Variants in RBFOX1 observed in about 807,000 individuals in gnomAD.
RBFOX1 encodes the protein RNA binding protein fox-1 homolog 1.
Under a neutral mutation model 57.7 loss-of-function variants are expected in RBFOX1, and 8 were observed. The ratio of observed to expected loss-of-function variants is 0.14; its 90% CI spans 0.08 to 0.25. The LOEUF (loss-of-function observed/expected upper bound fraction) is 0.25, where lower values mean the gene tolerates loss of function less well. Among genes scored for constraint, RBFOX1 ranks in the 10% least tolerant of loss-of-function variants. The pLI, the probability that RBFOX1 is intolerant of heterozygous loss-of-function variation, is 1.00. For missense variants in RBFOX1, 611 were observed against 548.5 expected (o/e 1.11, Z -1.14); for synonymous variants, 326 against 222.4 (o/e 1.47, Z -4.15).
intron 3 of RBFOX1, among the ~76,000 whole-genome samples, chr16:6,886,776 A>G (rs375937088): frequency 8.4e-4 from 123 of 146,432 alleles, no homozygotes; most frequent in African/African-American, 2.7e-3. Flanking sequence ...AACAAAACAA[A>G]ACAAAACAAA....
intron 2 of RBFOX1, among the ~76,000 whole-genome samples, chr16:6,577,961 A>G (rs2153967680): frequency 6.6e-6 from 1 of 152,362 alleles, no homozygotes; most frequent in African/African-American, 2.4e-5. Flanking sequence ...TCACTAGGAC[A>G]AGGTTACCCA....
intron 4 of RBFOX1, among the ~76,000 whole-genome samples, chr16:7,085,703 G>C (rs954668585): frequency 1.3e-5 from 2 of 152,302 alleles, no homozygotes; most frequent in Non-Finnish European, 2.9e-5. Flanking sequence ...ATCATGTCCG[G>C]AGGTGATCTC....
intron 3 of RBFOX1, among the ~76,000 whole-genome samples, chr16:5,819,789 T>G (rs907945336): frequency 6.6e-6 from 1 of 152,206 alleles, no homozygotes; most frequent in African/African-American, 2.4e-5. Context: ...ATTGAGCACT[T>G]TCTTTACATG....
intron 1 of RBFOX1, among the ~76,000 whole-genome samples, chr16:6,196,266 T>C (rs1033740465): frequency 4.6e-5 from 7 of 152,222 alleles, no homozygotes; most frequent in East Asian, 1.9e-4. Context: ...GTGCTTTTTT[T>C]ACCCCTGCAC....
In RBFOX1 at chr16:6,997,247, T is replaced by A. The variant is rs554147477; in HGVS notation, c.-15-54810T>A. On this transcript the variant is annotated intron_variant, in intron 3 of 15. Coordinates refer to ENST00000550418, the MANE Select transcript of RBFOX1 (RefSeq NM_018723.4). ...TAAGTCCCTTTGAAGACTAGAGTGA[T>A]TTGACTCAACTTCTCCTTCTAGTAA... Among the ~76,000 whole-genome samples, 15 of 152,228 alleles carry A rather than the reference T, an allele frequency of 9.9e-5. No homozygotes were observed. The South Asian group carries it at 3.1e-3, about 32-fold the overall frequency.
intron 1 of RBFOX1, among the ~76,000 whole-genome samples, chr16:6,077,960 G>A (rs1161256259): frequency 6.6e-6 from 1 of 152,140 alleles, no homozygotes; most frequent in African/African-American, 2.4e-5. Context: ...GGAAATGAGT[G>A]AAGTCTCAGT....
chr16:6,283,487 G>T (rs2076602634), intron 1 of RBFOX1, among the ~76,000 whole-genome samples: 1 of 152,086 alleles, frequency 6.6e-6, no homozygotes, highest in South Asian at 2.1e-4. Flanking sequence ...TCAGAGGCCT[G>T]TTTTCTTGGT....
intron 2 of RBFOX1, among the ~76,000 whole-genome samples, chr16:6,417,702 C>CTT (rs4036489): frequency 1.8e-4 from 26 of 145,678 alleles, no homozygotes; most frequent in East Asian, 6.1e-4. Flanking sequence ...AAACTCCTTT[C>CTT]TTTTTAAAAA....
intron 4 of RBFOX1, chr16:7,332,767 C>G: frequency 7.2e-7 from 1 of 1,379,734 alleles, no homozygotes; most frequent in Non-Finnish European, 9.4e-7. Flanking sequence ...ATTTTGGTAG[C>G]TTCAACTTTG....
At chr16:6,748,430 GCAGGAGGATTGCATAAGCC>G (rs1302035162) in intron 3 of RBFOX1, among the ~76,000 whole-genome samples, 1 of 152,150 alleles carries the variant, frequency 6.6e-6, no homozygotes, top group Non-Finnish European at 1.5e-5. Flanking sequence ...GAAGGCCGAG[GCAGGAGGATTGCATAAGCC>G]CAGGAGTTCA....
intron 3 of RBFOX1, among the ~76,000 whole-genome samples, chr16:6,788,149 G>C (rs2082278335): frequency 6.6e-6 from 1 of 152,192 alleles, no homozygotes; most frequent in Non-Finnish European, 1.5e-5. Context: ...TTGAACCTGG[G>C]AGGCGGATGT....
At chr16:5,577,613 A>G (rs955116146) in intron 2 of RBFOX1, among the ~76,000 whole-genome samples, 3 of 152,176 alleles carry the variant, frequency 2.0e-5, no homozygotes, top group African/African-American at 7.2e-5. Flanking sequence ...ACATGTTTGC[A>G]ATCTTGAGGC....
At chr16:7,611,815 C>A (rs1314305457) in intron 10 of RBFOX1, among the ~76,000 whole-genome samples, 1 of 152,060 alleles carries the variant, frequency 6.6e-6, no homozygotes, top group Admixed American at 6.6e-5. Flanking sequence ...TTTTTCTTTT[C>A]TGAATTCTCA....
chr16:6,906,229 G>C (rs61497565), intron 3 of RBFOX1, among the ~76,000 whole-genome samples: 1 of 142,534 alleles, frequency 7.0e-6, no homozygotes, highest in East Asian at 2.0e-4. Flanking sequence ...ACCCCAAAAA[G>C]CAATTTATTA....
At chr16:7,396,013 C>G (rs1025663860) in intron 4 of RBFOX1, among the ~76,000 whole-genome samples, 1 of 152,042 alleles carries the variant, frequency 6.6e-6, no homozygotes, top group African/African-American at 2.4e-5. Context: ...GGAGCTTTCT[C>G]TTGATGGAGA....
intron 4 of RBFOX1, among the ~76,000 whole-genome samples, chr16:7,421,151 C>T (rs576310720): frequency 6.6e-6 from 1 of 151,786 alleles, no homozygotes; most frequent in African/African-American, 2.4e-5. Context: ...TGGTATTGAC[C>T]AGGAAAGTTG....
intron 2 of RBFOX1, among the ~76,000 whole-genome samples, chr16:6,506,983 A>G (rs2096116133): frequency 6.6e-6 from 1 of 152,008 alleles, no homozygotes; most frequent in South Asian, 2.1e-4. Flanking sequence ...GGATTTCTTT[A>G]TGTCAGGCAG....
At position 7,682,096 on chromosome 16, in the gene RBFOX1, C is replaced by G. The variant is rs556520264; in HGVS notation, c.995+5258C>G. On this transcript the variant is annotated intron_variant, in intron 14 of 15. Coordinates refer to ENST00000550418, the MANE Select transcript of RBFOX1 (RefSeq NM_018723.4). Reference sequence around the variant, plus strand: ...CTCTTTTCTGGGAAATAGGCTGTATCTATTCTTCCTTCTCACATGCTGTTT... The same window carrying G: ...CTCTTTTCTGGGAAATAGGCTGTATGTATTCTTCCTTCTCACATGCTGTTT... Among the ~76,000 whole-genome samples, 5 of 152,256 alleles carry G rather than the reference C, an allele frequency of 3.3e-5. No individual in the cohort carries two copies. In the South Asian group the frequency reaches 1.0e-3, roughly 32 times the overall value.
At chr16:7,355,918 G>A (rs2097207024) in intron 4 of RBFOX1, among the ~76,000 whole-genome samples, 1 of 152,210 alleles carries the variant, frequency 6.6e-6, no homozygotes, top group Non-Finnish European at 1.5e-5. Context: ...CAATCTGCCG[G>A]AGGCAAAATG....
Sources: allele counts gnomAD v4.1 joint callset (sites outside exome capture counted in the v4.1 genomes callset), GRCh38; gene constraint gnomAD v4.1.1; transcripts MANE v1.5; gene names NCBI Gene and HGNC (gene_info 2026-07-23, HGNC 2026-07-21).